The following STK3 variants were observed in gnomAD, a reference collection of about 807,000 sequenced individuals.
The protein encoded by STK3 is serine/threonine-protein kinase 3.
In STK3, 41 loss-of-function variants were observed where a neutral mutation model predicts 58.0. That is an observed-to-expected ratio of 0.71 (90% CI 0.55 to 0.92). STK3 has a LOEUF of 0.92. STK3 is among the 40% of genes least tolerant of loss of function. The probability of loss-of-function intolerance (pLI) is 0.00; values close to 1 mark genes in which losing one functional copy is unlikely to be tolerated. For synonymous variants in STK3, 170 were observed against 191.0 expected, an observed-to-expected ratio of 0.89 and a Z score of 0.91; for missense variants, 479 against 602.7, an observed-to-expected ratio of 0.79 and a Z score of 2.15.
At chr8:98,568,616 C>T (rs1812705250) in intron 8 of STK3, among the ~76,000 whole-genome samples, 1 of 151,972 alleles carries the variant, frequency 6.6e-6, no homozygotes, top group Admixed American at 6.6e-5. Flanking sequence ...TCAAAACAAA[C>T]ACAAAAGAAC....
chr8:98,477,122 C>T (rs1385621389), intron 10 of STK3, among the ~76,000 whole-genome samples: 3 of 152,178 alleles, frequency 2.0e-5, no homozygotes, highest in Non-Finnish European at 2.9e-5. Flanking sequence ...TTATCTTCCT[C>T]GTTACTTCTC....
intron 6 of STK3, among the ~76,000 whole-genome samples, chr8:98,670,389 T>C (rs780107428): frequency 6.6e-6 from 1 of 151,956 alleles, no homozygotes; most frequent in Non-Finnish European, 1.5e-5. Flanking sequence ...GAAAGAAGTA[T>C]GGACTCAGGA....
At position 98,619,476 on chromosome 8, in the gene STK3, A is replaced by G. The variant is rs1248890573; in HGVS notation, c.685-23307T>C. 3.1e-3 allele frequency among the ~76,000 whole-genome samples: 450 copies of G among 144,416 alleles called. 2 individuals carry two copies. Among genetic ancestry groups the G allele is most frequent in the African/African-American group, 0.011 (431 of 38,112 alleles). 94.7% of individuals were successfully genotyped at this position (144,416 alleles called of 152,430 possible). On this transcript the variant is annotated intron_variant, in intron 6 of 10. Transcript: ENST00000419617. Reference sequence around the variant, plus strand: ...CAAAATTGACAAATGGGATCTAATTAAACTAAAGAGCTTCTGCACAGCAAA... The same window carrying G: ...CAAAATTGACAAATGGGATCTAATTGAACTAAAGAGCTTCTGCACAGCAAA...
intron 8 of STK3, among the ~76,000 whole-genome samples, chr8:98,566,495 C>T (rs1461822870): frequency 1.3e-5 from 2 of 152,046 alleles, no homozygotes; most frequent in Non-Finnish European, 2.9e-5. Context: ...ACCCAAGTAT[C>T]AATACTTGAT....
intron 3 of STK3, among the ~76,000 whole-genome samples, chr8:98,859,612 C>A (rs1330337772): frequency 2.0e-5 from 3 of 152,148 alleles, no homozygotes; most frequent in Non-Finnish European, 2.9e-5. Flanking sequence ...TATCCATGAA[C>A]AACATAGCTC....
At chr8:98,498,281 G>T (rs1223819820) in intron 10 of STK3, among the ~76,000 whole-genome samples, 1 of 152,098 alleles carries the variant, frequency 6.6e-6, no homozygotes, top group African/African-American at 2.4e-5. Flanking sequence ...TGGCCTAGAT[G>T]GGGTGGGTGT....
At chr8:98,939,378 C>G (rs931005571) in intron 1 of STK3, among the ~76,000 whole-genome samples, 1 of 152,236 alleles carries the variant, frequency 6.6e-6, no homozygotes, top group Non-Finnish European at 1.5e-5. Context: ...GCCCCACTCC[C>G]AGTTTCTGAC....
chr8:98,466,891 C>G (rs1024098017), intron 10 of STK3, among the ~76,000 whole-genome samples: 1 of 152,142 alleles, frequency 6.6e-6, no homozygotes. Context: ...AAGTTCTCTA[C>G]ACTCTCCAGG....
intron 6 of STK3, among the ~76,000 whole-genome samples, chr8:98,616,798 C>G (rs1227335609): frequency 1.3e-5 from 2 of 150,406 alleles, no homozygotes; most frequent in Non-Finnish European, 3.0e-5. Context: ...ACAGGAGCAC[C>G]CAGATTCATA....
At chr8:98,741,249 T>C (rs551537738) in intron 4 of STK3, among the ~76,000 whole-genome samples, 110 of 152,328 alleles carry the variant, frequency 7.2e-4, no homozygotes, top group Middle Eastern at 6.8e-3. Flanking sequence ...GTGGACCTAA[T>C]AGACATCTAC....
At chr8:98,838,911 A>G (rs757396076) in intron 3 of STK3, among the ~76,000 whole-genome samples, 60 of 150,614 alleles carry the variant, frequency 4.0e-4, no homozygotes, top group Non-Finnish European at 7.4e-4. Flanking sequence ...TTCCTTGGCT[A>G]TTACTTCAAG....
rs559647870 is a variant in STK3 at position 98,847,707 on chromosome 8, T to A, written c.110+35940A>T. ...GCCAGGATCTTTTTCCCTCTTTTTTTAAAAAAAAGGTTTTTTTTTGTTTGT... is the reference window on the plus strand; with the variant it reads ...GCCAGGATCTTTTTCCCTCTTTTTTAAAAAAAAAGGTTTTTTTTTGTTTGT... On this transcript the variant is annotated intron_variant, in intron 3 of 12. Transcript: ENST00000523601. Among the ~76,000 whole-genome samples, 327 of 151,918 alleles carry A rather than the reference T, an allele frequency of 2.2e-3. 1 individual carries two copies. Among genetic ancestry groups the A allele is most frequent in the African/African-American group, 7.4e-3 (305 of 41,430 alleles).
rs143252908 is a variant in STK3 at position 98,405,160 on chromosome 8, A to G, written n.484-3647T>C. On this transcript the variant is annotated intron_variant and non_coding_transcript_variant, in intron 3 of 3. Transcript: ENST00000517832. ...TCCAACAGTTCCTGTTCTTGCCCCA[A>G]TGTTCTCATATAGGACTTCTTGTCC... Among the ~76,000 whole-genome samples, 36 of 152,234 alleles carry G rather than the reference A, an allele frequency of 2.4e-4. No individual in the cohort carries two copies. The East Asian group carries it at 6.9e-3, about 29-fold the overall frequency.
At chr8:98,444,721 C>T (rs1026618987) in intron 1 of STK3, among the ~76,000 whole-genome samples, 3 of 152,044 alleles carry the variant, frequency 2.0e-5, no homozygotes, top group East Asian at 1.9e-4. Flanking sequence ...ACTTGAGGTA[C>T]GTGTGGGACA....
chr8:98,579,856 A>C, intron 7 of STK3, 67 bp from the exon 8 acceptor site: 1 of 1,370,596 alleles, frequency 7.3e-7, no homozygotes, highest in Non-Finnish European at 9.7e-7. Context: ...ACAAATGTTA[A>C]AACAACATGT....
At chr8:98,935,279 T>C (rs182422551) in intron 1 of STK3, among the ~76,000 whole-genome samples, 58 of 152,344 alleles carry the variant, frequency 3.8e-4, no homozygotes, top group African/African-American at 1.3e-3. Flanking sequence ...AAACACATGA[T>C]AGAATGAGCC....
intron 3 of STK3, among the ~76,000 whole-genome samples, chr8:98,409,166 C>A (rs538158869): frequency 6.6e-6 from 1 of 152,310 alleles, no homozygotes; most frequent in African/African-American, 2.4e-5. Flanking sequence ...TTGGAGAATG[C>A]TGATTATTTT....
downstream of STK3, among the ~76,000 whole-genome samples, chr8:98,400,363 C>T (rs559643067): frequency 6.6e-5 from 10 of 152,330 alleles, no homozygotes; most frequent in East Asian, 5.8e-4. Flanking sequence ...GGTGTCACCA[C>T]GAGGGAACAC....
intron 7 of STK3, among the ~76,000 whole-genome samples, chr8:98,590,854 T>A (rs964695397): frequency 2.0e-5 from 3 of 152,248 alleles, no homozygotes; most frequent in African/African-American, 7.2e-5. Flanking sequence ...TATAATTATA[T>A]GCTAATGCCA....
Sources: gnomAD v4.1 joint callset for allele counts (sites outside exome capture counted in the v4.1 genomes callset) on GRCh38, gnomAD v4.1.1 for gene constraint, MANE v1.5 for transcripts, NCBI Gene and HGNC (gene_info 2026-07-23, HGNC 2026-07-21) for gene names.